Variants in RORB observed in about 807,000 individuals in gnomAD.
The protein encoded by RORB is RAR related orphan receptor B.
In RORB, 6 loss-of-function variants were observed where a neutral mutation model predicts 59.1. That is an observed-to-expected ratio of 0.10 (90% CI 0.06 to 0.20). RORB has a LOEUF of 0.20. RORB is among the 10% of genes least tolerant of loss of function. RORB has a pLI of 1.00. For synonymous variants in RORB, 215 were observed against 204.5 expected, an observed-to-expected ratio of 1.05 and a Z score of -0.44; for missense variants, 320 against 560.5, an observed-to-expected ratio of 0.57 and a Z score of 4.33.
intron 1 of RORB, among the ~76,000 whole-genome samples, chr9:74,629,557 G>A (rs535846227): frequency 1.3e-5 from 2 of 151,904 alleles, no homozygotes; most frequent in South Asian, 2.1e-4. Context: ...AATCCTGCAC[G>A]ATCTTCAGAA....
chr9:74,679,655 G>A (rs1824510803), intron 9 of RORB, among the ~76,000 whole-genome samples: 1 of 152,172 alleles, frequency 6.6e-6, no homozygotes, highest in Non-Finnish European at 1.5e-5. Context: ...ACTCCACTGA[G>A]AAGCTAGATT....
At chr9:74,519,703 GA>G (rs1826056992) in intron 1 of RORB, among the ~76,000 whole-genome samples, 1 of 152,048 alleles carries the variant, frequency 6.6e-6, no homozygotes, top group African/African-American at 2.4e-5. Flanking sequence ...TGTCGTCTCC[GA>G]AGCTCGGGTT....
chr9:74,644,645 C>CT (rs1336863230), intron 4 of RORB, among the ~76,000 whole-genome samples: 1 of 152,140 alleles, frequency 6.6e-6, no homozygotes, highest in Non-Finnish European at 1.5e-5. Flanking sequence ...GTCATTCAAA[C>CT]TTTTCAAGAG....
At chr9:74,630,168 C>A in intron 1 of RORB, 114 bp from the exon 2 acceptor site, 2 of 1,406,034 alleles carry the variant, frequency 1.4e-6, no homozygotes, top group African/African-American at 2.8e-5. Flanking sequence ...CCGCTCACAC[C>A]CCAGTATTTT....
chr9:74,532,831 T>C (rs1463060280), intron 1 of RORB, among the ~76,000 whole-genome samples: 1 of 135,170 alleles, frequency 7.4e-6, no homozygotes, highest in African/African-American at 2.7e-5. Context: ...TATATGTGTA[T>C]ATATATACAC....
chr9:74,525,154 A>T (rs1482957230), intron 1 of RORB, among the ~76,000 whole-genome samples: 1 of 151,950 alleles, frequency 6.6e-6, no homozygotes, highest in African/African-American at 2.4e-5. Flanking sequence ...GATTTTCAAA[A>T]AGCGAGCAAT....
In RORB at chr9:74,688,805, G is replaced by A. The variant is rs966476805; in HGVS notation, c.*3187G>A. ...AACTTGGTCTCATTTTCTAAACTCT[G>A]CTAAGAGCCAAATAATCTAGCTGTC... On this transcript the variant is annotated 3_prime_UTR_variant, in exon 10 of 10. Coordinates refer to ENST00000376896, the MANE Select transcript of RORB (RefSeq NM_006914.4). 6 of 152,150 alleles carry A rather than the reference G, an allele frequency of 3.9e-5. No homozygotes were observed. Among genetic ancestry groups the A allele is most frequent in the African/African-American group, 1.4e-4 (6 of 41,434 alleles). The allele number at this position is 152,150 out of a possible 1,614,324, so 9.4% of individuals were successfully genotyped here. A position where few individuals can be genotyped will look rare whatever the true frequency, so the allele number is the denominator to read the frequency against.
Position 74,692,084 on chromosome 9 carries a change from A to T in RORB, c.*6466A>T, listed in dbSNP as rs947139036. On this transcript the variant is annotated 3_prime_UTR_variant, in exon 10 of 10. Coordinates refer to ENST00000376896, the MANE Select transcript of RORB (RefSeq NM_006914.4). ...TGATGAACAAGATATTTTTGTACAC[A>T]TTTATTTCTTGTTAATAACCTGAGG... 6 of 152,180 alleles carry T rather than the reference A, an allele frequency of 3.9e-5. No homozygotes were observed. The highest frequency in any genetic ancestry group is 5.9e-5 in the Non-Finnish European group (4 of 68,018). The allele number at this position is 152,180 out of a possible 1,614,324, so 9.4% of individuals were successfully genotyped here.
chr9:74,580,224 C>T (rs1822701206), intron 1 of RORB, among the ~76,000 whole-genome samples: 1 of 152,010 alleles, frequency 6.6e-6, no homozygotes, highest in Non-Finnish European at 1.5e-5. Flanking sequence ...ACATAATATA[C>T]CTCAACAAGA....
intron 7 of RORB, 75 bp downstream of exon 7, chr9:74,665,670 T>G (rs1824252989): frequency 5.6e-6 from 5 of 899,028 alleles, no homozygotes; most frequent in Non-Finnish European, 9.2e-6. Flanking sequence ...AATTGGTAAA[T>G]GAAATGCCTT....
intron 5 of RORB, among the ~76,000 whole-genome samples, chr9:74,661,858 G>A (rs1824190154): frequency 6.6e-6 from 1 of 151,626 alleles, no homozygotes. Context: ...TGTTAGCCAG[G>A]ATGGTGTCGA....
At chr9:74,584,437 G>A (rs907448105) in intron 1 of RORB, among the ~76,000 whole-genome samples, 4 of 152,194 alleles carry the variant, frequency 2.6e-5, no homozygotes, top group African/African-American at 9.6e-5. Context: ...AAGATTAAAT[G>A]AGATAATAGA....
rs945238870 is a variant in RORB, at chr9:74,686,091, A to G, written c.*473A>G. ...TTGGAAAGTACTGTGCATGTATGTAATAAGTATATAATATGTGAGAATATT... is the reference window on the plus strand; with the variant it reads ...TTGGAAAGTACTGTGCATGTATGTAGTAAGTATATAATATGTGAGAATATT... On this transcript the variant is annotated 3_prime_UTR_variant, in exon 10 of 10. Coordinates refer to ENST00000376896, the MANE Select transcript of RORB (RefSeq NM_006914.4). 6.5e-6 allele frequency: 1 copy of G among 152,950 alleles called. No homozygotes were observed. The highest frequency in any genetic ancestry group is 1.9e-4 in the East Asian group (1 of 5,200). 9.5% of individuals were successfully genotyped at this position (152,950 alleles called of 1,614,324 possible).
At chr9:74,652,210 C>A (rs1208019174) in intron 4 of RORB, among the ~76,000 whole-genome samples, 1 of 152,166 alleles carries the variant, frequency 6.6e-6, no homozygotes, top group Non-Finnish European at 1.5e-5. Flanking sequence ...AGTTTGAGAC[C>A]AGACTGGCCA....
chr9:74,534,505 G>T (rs1465383951), intron 1 of RORB, among the ~76,000 whole-genome samples: 1 of 151,956 alleles, frequency 6.6e-6, no homozygotes, highest in East Asian at 1.9e-4. Context: ...ATTGCAGCTT[G>T]TTTAAGGGTC....
At chr9:74,657,757 C>T (rs1315835384) in intron 4 of RORB, among the ~76,000 whole-genome samples, 1 of 152,128 alleles carries the variant, frequency 6.6e-6, no homozygotes, top group Non-Finnish European at 1.5e-5. Flanking sequence ...GTAATCCCAG[C>T]ACTTTGGGAG....
At chr9:74,556,841 C>T (rs1321722020) in intron 1 of RORB, among the ~76,000 whole-genome samples, 1 of 152,064 alleles carries the variant, frequency 6.6e-6, no homozygotes, top group Non-Finnish European at 1.5e-5. Context: ...ATTTTCACAC[C>T]ATCCTGCTAT....
At chr9:74,661,117 C>T (rs1587411725) in intron 5 of RORB, among the ~76,000 whole-genome samples, 3 of 152,268 alleles carry the variant, frequency 2.0e-5, no homozygotes, top group Middle Eastern at 3.4e-3. Flanking sequence ...CAGTTGTAAT[C>T]GTCACAAACT....
chr9:74,544,090 C>T lies in RORB; in HGVS notation c.7+46107C>T, dbSNP rs1480013218. The stretch of plus-strand genomic sequence containing the variant: ...GCCAGTGAAATGTACTGTCAGCAGA[C>T]ACAATACCTTTTCACTTTCTTATTT... On this transcript the variant is annotated intron_variant, in intron 1 of 9. Coordinates refer to ENST00000376896, the MANE Select transcript of RORB (RefSeq NM_006914.4). Among the ~76,000 whole-genome samples the T allele has an allele frequency of 2.0e-5, 3 of 152,184 alleles. No homozygotes were observed. In the East Asian group the frequency reaches 5.8e-4, roughly 29 times the overall value.
Sources: gnomAD v4.1 joint callset for allele counts (sites outside exome capture counted in the v4.1 genomes callset) on GRCh38, gnomAD v4.1.1 for gene constraint, MANE v1.5 for transcripts, NCBI Gene and HGNC (gene_info 2026-07-23, HGNC 2026-07-21) for gene names.